KLF12: variants seen among roughly 807,000 people sequenced by gnomAD.
KLF12 encodes KLF transcription factor 12.
Under a neutral mutation model 37.8 loss-of-function variants are expected in KLF12, and 9 were observed. That is an observed-to-expected ratio of 0.24 (90% CI 0.14 to 0.42). The LOEUF is 0.42. Among genes scored for constraint, KLF12 ranks in the 10% least tolerant of loss-of-function variants. The pLI is 1.00. For missense variants in KLF12, 411 were observed against 516.0 expected (o/e 0.80, Z 1.97); for synonymous variants, 208 against 202.1 (o/e 1.03, Z -0.25).
the KLF12 span, among the ~76,000 whole-genome samples, chr13:74,241,615 A>T: frequency 6.6e-6 from 1 of 152,290 alleles, no homozygotes; most frequent in Admixed American, 6.5e-5. Flanking sequence ...CCGTGGGCGT[A>T]GGACCCTCCA....
At chr13:73,908,683 T>C (rs192517832) in intron 3 of KLF12, among the ~76,000 whole-genome samples, 1 of 152,054 alleles carries the variant, frequency 6.6e-6, no homozygotes, top group Admixed American at 6.5e-5. Context: ...CTTCACCATA[T>C]TGGCCAGGCT....
Position 73,826,702 on chromosome 13 carries a change from T to C in KLF12, c.671-13415A>G, listed in dbSNP as rs903378484. On this transcript the variant is annotated intron_variant, in intron 4 of 7. Transcript: ENST00000377669. ...TATTTTTGGCCCTTAACTACATATA[T>C]GTCCATGAACAATACCTACAGTTTT... Among the ~76,000 whole-genome samples the C allele has an allele frequency of 2.0e-5, 3 of 152,154 alleles. No individual in the cohort carries two copies. In the South Asian group the frequency reaches 6.2e-4, roughly 32 times the overall value.
the KLF12 span, among the ~76,000 whole-genome samples, chr13:74,210,444 T>A: frequency 2.0e-5 from 3 of 152,206 alleles, no homozygotes; most frequent in African/African-American, 7.2e-5. Flanking sequence ...GCCTGCTGTA[T>A]TTAAAAATCT....
chr13:73,864,143 G>A (rs549044434), intron 3 of KLF12, among the ~76,000 whole-genome samples: 1 of 152,106 alleles, frequency 6.6e-6, no homozygotes, highest in African/African-American at 2.4e-5. Flanking sequence ...AAATATCCCT[G>A]AATAATTTGT....
intron 2 of KLF12, among the ~76,000 whole-genome samples, chr13:73,979,280 T>C (rs575695689): frequency 1.3e-5 from 2 of 151,684 alleles, no homozygotes; most frequent in South Asian, 4.2e-4. Context: ...CAGAGGCAAT[T>C]ATGGGAAATT....
chr13:74,082,937 T>G (rs1454238929), intron 1 of KLF12, among the ~76,000 whole-genome samples: 1 of 152,184 alleles, frequency 6.6e-6, no homozygotes, highest in African/African-American at 2.4e-5. Context: ...TTACTGTTGC[T>G]ACATTAAGCA....
the KLF12 span, among the ~76,000 whole-genome samples, chr13:74,279,734 G>T: frequency 1.3e-5 from 2 of 152,138 alleles, no homozygotes; most frequent in Non-Finnish European, 2.9e-5. Context: ...TCAGGTGGTT[G>T]TCCCATAGTG....
chr13:73,860,429 G>T (rs1012218715), intron 3 of KLF12, among the ~76,000 whole-genome samples: 1 of 152,054 alleles, frequency 6.6e-6, no homozygotes, highest in African/African-American at 2.4e-5. Flanking sequence ...GGCCTTACTG[G>T]GTCTCAGATT....
At chr13:73,861,302 T>C (rs1392416511) in intron 3 of KLF12, among the ~76,000 whole-genome samples, 1 of 152,188 alleles carries the variant, frequency 6.6e-6, no homozygotes, top group Non-Finnish European at 1.5e-5. Flanking sequence ...ATCCTTTCAG[T>C]GTGGGGATTA....
intron 4 of KLF12, among the ~76,000 whole-genome samples, chr13:73,818,805 G>A (rs1362852267): frequency 6.6e-6 from 1 of 152,218 alleles, no homozygotes; most frequent in African/African-American, 2.4e-5. Flanking sequence ...TGGCTGCCCA[G>A]GCAGGCGCCA....
At chr13:74,011,327 C>T (rs1449237696) in intron 1 of KLF12, among the ~76,000 whole-genome samples, 2 of 150,640 alleles carry the variant, frequency 1.3e-5, no homozygotes, top group African/African-American at 4.9e-5. Flanking sequence ...AATGCTAGAA[C>T]TGCTAGTGGT....
intron 6 of KLF12, among the ~76,000 whole-genome samples, chr13:73,723,811 GT>G (rs1248399706): frequency 4.6e-5 from 7 of 152,138 alleles, no homozygotes; most frequent in African/African-American, 9.7e-5. Flanking sequence ...ATCATCACTG[GT>G]CATTAGAGAA....
intron 1 of KLF12, among the ~76,000 whole-genome samples, chr13:74,006,489 T>C (rs1348970863): frequency 6.6e-6 from 1 of 152,198 alleles, no homozygotes; most frequent in Non-Finnish European, 1.5e-5. Context: ...TGTCCACATA[T>C]ATGTATCAGT....
chr13:74,116,425 A>T (rs1877307709), intron 1 of KLF12, among the ~76,000 whole-genome samples: 1 of 152,214 alleles, frequency 6.6e-6, no homozygotes, highest in Non-Finnish European at 1.5e-5. Flanking sequence ...GTAGTTTTAC[A>T]TGAATGGTAG....
chr13:74,182,347 G>T, the KLF12 span, among the ~76,000 whole-genome samples: 1 of 152,206 alleles, frequency 6.6e-6, no homozygotes, highest in Non-Finnish European at 1.5e-5. Context: ...TTTTGTCCAA[G>T]GGTGATTTTA....
chr13:74,000,442 A>G (rs1248271660), intron 1 of KLF12, among the ~76,000 whole-genome samples: 3 of 152,204 alleles, frequency 2.0e-5, no homozygotes, highest in South Asian at 2.1e-4. Flanking sequence ...CCCATATTCA[A>G]TAAAGATCCC....
intron 3 of KLF12, among the ~76,000 whole-genome samples, chr13:73,849,375 T>TCAA (rs1255438161): frequency 8.1e-5 from 8 of 98,960 alleles, no homozygotes; most frequent in Non-Finnish European, 1.1e-4. Context: ...GGAGACTCCA[T>TCAA]AAAAAAAAAA....
At chr13:73,962,158 C>A (rs1034231839) in intron 2 of KLF12, 2 of 345,518 alleles carry the variant, frequency 5.8e-6, no homozygotes, top group Non-Finnish European at 5.6e-6. Context: ...AATTAGTTAT[C>A]AAGCCATGAA....
At chr13:74,294,081 A>G in the KLF12 span, among the ~76,000 whole-genome samples, 55 of 152,202 alleles carry the variant, frequency 3.6e-4, 1 homozygote, top group Non-Finnish European at 2.9e-5. Context: ...TTTTTCCAGA[A>G]TGCCGGGAGT....
Sources: allele counts gnomAD v4.1 joint callset (sites outside exome capture counted in the v4.1 genomes callset), GRCh38; gene constraint gnomAD v4.1.1; transcripts MANE v1.5; gene names NCBI Gene and HGNC (gene_info 2026-07-23, HGNC 2026-07-21).